Variants in OTOG observed in about 807,000 individuals in gnomAD.
The protein encoded by OTOG is otogelin.
In OTOG, 296 loss-of-function variants were observed where a neutral mutation model predicts 313.8. That is an observed-to-expected ratio of 0.94 (90% CI 0.86 to 1.04). OTOG has a LOEUF of 1.04. Among genes scored for constraint, OTOG ranks in the 50% least tolerant of loss-of-function variants. The pLI is 0.00. For synonymous variants in OTOG, 1,533 were observed against 1,554.9 expected, an observed-to-expected ratio of 0.99 and a Z score of 0.33; for missense variants, 3,948 against 3,840.1, an observed-to-expected ratio of 1.03 and a Z score of -0.74.
In OTOG at chr11:17,629,196, A is replaced by G; in HGVS notation, c.6592A>G (p.Thr2198Ala). The change falls in exon 40 of 56, where the codon ACA (threonine) becomes GCA (alanine). Residue 2198 changes from threonine to alanine, a missense_variant. By Grantham distance (58) the Thr-to-Ala change is moderately conservative. Coordinates refer to ENST00000399397, the MANE Select transcript of OTOG (RefSeq NM_001292063.2). ...VSRYGFRIEDTGHMYMILTPS... is the reference protein window; with the variant it reads ...VSRYGFRIEDAGHMYMILTPS... ...CAGGTATGGATTCAGAATTGAGGAC[A>G]CAGGCCACATGTACATGATCCTGAC... 6.4e-7 allele frequency: 1 copy of G among 1,550,630 alleles called. No individual in the cohort carries two copies. Among genetic ancestry groups the G allele is most frequent in the South Asian group, 1.2e-5 (1 of 84,062 alleles).
chr11:17,558,728 C>A, intron 10 of OTOG, 84 bp downstream of exon 10: 1 of 1,292,300 alleles, frequency 7.7e-7, no homozygotes, highest in Non-Finnish European at 1.1e-6. Flanking sequence ...CTGGGTGATC[C>A]CAGGCACTGC....
chr11:17,634,240 T>C lies in OTOG; in HGVS notation c.7439T>C (p.Leu2480Pro). The C allele has an allele frequency of 6.4e-6, 10 of 1,550,484 alleles. No homozygotes were observed. Among genetic ancestry groups the C allele is most frequent in the Non-Finnish European group, 8.7e-6 (10 of 1,146,944 alleles). Residue 2480 changes from leucine (L) to proline (P), a missense_variant, in exon 44 of 56, where the codon CTC (leucine) becomes CCC (proline). By Grantham distance (98) the Leu-to-Pro change is moderately conservative. Transcript: ENST00000399397. ...SCLRFGEVALLLPTKDPCCLG... is the reference protein window; with the variant it reads ...SCLRFGEVALPLPTKDPCCLG... ...CTGCGATTCGGGGAGGTGGCCTTGC[T>C]CCTACCCACCAAGGACCCCTGCTGC...
At chr11:17,601,280 A>T (rs1345472105) in intron 31 of OTOG, among the ~76,000 whole-genome samples, 1 of 152,116 alleles carries the variant, frequency 6.6e-6, no homozygotes, top group Admixed American at 6.5e-5. Flanking sequence ...TGCATGTGGC[A>T]GGAGAGGGTG....
chr11:17,573,405 G>A (rs1056005033), intron 19 of OTOG, 115 bp downstream of exon 19: 10 of 1,132,436 alleles, frequency 8.8e-6, no homozygotes, highest in Admixed American at 5.6e-5. Context: ...CAGCCTGACT[G>A]CACCCAGAGC....
At chr11:17,562,340 A>C (rs1250853419) in intron 15 of OTOG, among the ~76,000 whole-genome samples, 1 of 152,000 alleles carries the variant, frequency 6.6e-6, no homozygotes, top group Non-Finnish European at 1.5e-5. Flanking sequence ...ACTTAAAGAA[A>C]ATTAAAATTT....
Position 17,594,141 on chromosome 11 carries a change from T to C in OTOG, c.3383T>C (p.Phe1128Ser). 2 of 1,550,558 alleles carry C rather than the reference T, an allele frequency of 1.3e-6. No homozygotes were observed. Among genetic ancestry groups the C allele is most frequent in the Non-Finnish European group, 1.7e-6 (2 of 1,146,980 alleles). Residue 1128 changes from phenylalanine (F) to serine (S), a missense_variant, in exon 28 of 56, where the codon TTT becomes TCT. Phe to Ser is a radical substitution (Grantham distance 155). Transcript: ENST00000399397. ...ENLELTNPQE[F>S]GSSWAAVECP... ...CTAGAGCTAACTAACCCCCAGGAGT[T>C]TGGCAGCAGTTGGGCTGCAGTTGAG...
chr11:17,595,178 G>A (rs1853061882), intron 28 of OTOG, among the ~76,000 whole-genome samples: 1 of 152,130 alleles, frequency 6.6e-6, no homozygotes, highest in Non-Finnish European at 1.5e-5. Flanking sequence ...CTGAAATCCT[G>A]AGGTGGGACA....
intron 24 of OTOG, among the ~76,000 whole-genome samples, chr11:17,589,977 G>A (rs11604413): frequency 0.036 from 5,482 of 152,090 alleles, 113 homozygotes; most frequent in South Asian, 0.074. Context: ...CTCTCTTCCT[G>A]TTCCTTCTCC....
intron 17 of OTOG, 90 bp downstream of exon 17, chr11:17,570,480 G>T (rs79748590): frequency 3.9e-6 from 5 of 1,272,678 alleles, no homozygotes; most frequent in Non-Finnish European, 4.4e-6. Context: ...TGTCTCTCCC[G>T]TGAGCCTTCA....
At chr11:17,552,190 T>C in intron 4 of OTOG, 115 bp downstream of exon 4, 1 of 1,052,262 alleles carries the variant, frequency 9.5e-7, no homozygotes, top group Non-Finnish European at 1.4e-6. Flanking sequence ...CCCTTTTTCC[T>C]GCTTGGCATC....
At chr11:17,570,512 A>T (rs1470123460) in intron 17 of OTOG, 122 bp downstream of exon 17, 1 of 898,012 alleles carries the variant, frequency 1.1e-6, no homozygotes, top group Non-Finnish European at 1.7e-6. Context: ...ATGCACCATT[A>T]GTTATTGATT....
intron 7 of OTOG, among the ~76,000 whole-genome samples, chr11:17,556,714 A>G (rs1394290660): frequency 2.0e-5 from 3 of 152,210 alleles, no homozygotes; most frequent in African/African-American, 7.2e-5. Flanking sequence ...TCCCTGTACC[A>G]GGAAAACTGG....
At chr11:17,569,429 T>C (rs993874576) in intron 16 of OTOG, 141 bp downstream of exon 16, 12 of 1,231,908 alleles carry the variant, frequency 9.7e-6, no homozygotes, top group African/African-American at 1.5e-5. Context: ...GGGGACACTT[T>C]GGTTGCAAAA....
Position 17,573,179 on chromosome 11 carries a change from G to T in OTOG, c.2182G>T (p.Asp728Tyr). 1 of 1,541,598 alleles carries T rather than the reference G, an allele frequency of 6.5e-7. No individual in the cohort carries two copies. The highest frequency in any genetic ancestry group is 8.7e-7 in the Non-Finnish European group (1 of 1,146,866). ...GCCCTACTTTGAGCAGTGCCGCAGG[G>T]ATGCCTGCCGCTGCGGGCAGCCCTG... ...PVPYFEQCRR[D>Y]ACRCGQPCLC... The change falls in exon 19 of 56, where the codon GAT becomes TAT. Residue 728 changes from aspartate (D) to tyrosine (Y), a missense_variant. Physicochemically the swap from Asp to Tyr is radical, Grantham distance 160. Coordinates refer to ENST00000399397, the MANE Select transcript of OTOG (RefSeq NM_001292063.2).
At position 17,547,279 on chromosome 11, in the gene OTOG, GGCT is replaced by G; in HGVS notation, c.-91_-89del. On this transcript the variant is annotated 5_prime_UTR_variant, in exon 1 of 56. Coordinates refer to ENST00000399397, the MANE Select transcript of OTOG (RefSeq NM_001292063.2). ...GGGGCATGAGAACAAGAGGGACCTC[GGCT>G]GCGGAGTGGAGGTGTGACCCTGCCT... 3 of 1,073,330 alleles carry G rather than the reference GGCT, an allele frequency of 2.8e-6. No individual in the cohort carries two copies. Among genetic ancestry groups the G allele is most frequent in the Non-Finnish European group, 3.6e-6 (3 of 830,696 alleles). 66.5% of individuals were successfully genotyped at this position (1,073,330 alleles called of 1,614,324 possible).
chr11:17,596,126 G>A lies in OTOG; in HGVS notation c.3497G>A (p.Ser1166Asn). ...FAKKECSILLSEVFEICHPVV... is the reference protein window; with the variant it reads ...FAKKECSILLNEVFEICHPVV... ...AAGAAGGAGTGCAGCATCCTGCTCA[G>A]TGAGGTGTTTGAGATCTGCCACCCT... The change falls in exon 29 of 56, where the codon AGT (serine) becomes AAT (asparagine). Residue 1166 changes from serine (S) to asparagine (N), a missense_variant. Transcript: ENST00000399397. 6 of 1,550,608 alleles carry A rather than the reference G, an allele frequency of 3.9e-6. No homozygotes were observed. Among genetic ancestry groups the A allele is most frequent in the Non-Finnish European group, 5.2e-6 (6 of 1,146,954 alleles).
chr11:17,591,371 A>G, intron 24 of OTOG, 79 bp from the exon 25 acceptor site: 3 of 1,514,584 alleles, frequency 2.0e-6, no homozygotes, highest in Non-Finnish European at 8.9e-7. Context: ...CATGCATTCG[A>G]TAAGCCATGG....
Position 17,561,811 on chromosome 11 carries a change from A to G in OTOG, c.1644+4A>G. 1.3e-6 allele frequency: 2 copies of G among 1,550,112 alleles called. No homozygotes were observed. The highest frequency in any genetic ancestry group is 1.4e-5 in the African/African-American group (1 of 73,084). ...GCAGAATGCCCCATGTGGCCTGGTAAGAGCTGGGGATCCCCAGGCCCGATC... is the reference window on the plus strand; with the variant it reads ...GCAGAATGCCCCATGTGGCCTGGTAGGAGCTGGGGATCCCCAGGCCCGATC... On this transcript the variant is annotated splice_donor_region_variant and intron_variant, in intron 15 of 55. Transcript: ENST00000399397.
At position 17,639,482 on chromosome 11, in the gene OTOG, C is replaced by T; in HGVS notation, c.7935+19C>T. 1.9e-6 allele frequency: 3 copies of T among 1,549,818 alleles called. No homozygotes were observed. Among genetic ancestry groups the T allele is most frequent in the South Asian group, 2.4e-5 (2 of 84,040 alleles). On this transcript the variant is annotated intron_variant, in intron 49 of 55. Coordinates refer to ENST00000399397, the MANE Select transcript of OTOG (RefSeq NM_001292063.2). ...CCATCTGGTATGGAGACGCTCCTCCCCCAACACTCCCTGGTCTGCTCCCCT... is the reference window on the plus strand; with the variant it reads ...CCATCTGGTATGGAGACGCTCCTCCTCCAACACTCCCTGGTCTGCTCCCCT...
Sources: gnomAD v4.1 joint callset for allele counts (sites outside exome capture counted in the v4.1 genomes callset) on GRCh38, gnomAD v4.1.1 for gene constraint, MANE v1.5 for transcripts, NCBI Gene and HGNC (gene_info 2026-07-23, HGNC 2026-07-21) for gene names.